Variants in CSMD1 observed in about 807,000 individuals in gnomAD.
The protein encoded by CSMD1 is CUB and sushi domain-containing protein 1.
In CSMD1, 213 loss-of-function variants were observed where a neutral mutation model predicts 417.5. That is an observed-to-expected ratio of 0.51 (90% CI 0.46 to 0.57). The LOEUF (loss-of-function observed/expected upper bound fraction) is 0.57. Among genes scored for constraint, CSMD1 ranks in the 20% least tolerant of loss-of-function variants. The pLI, the probability that CSMD1 is intolerant of heterozygous loss-of-function variation, is 0.00. For missense variants in CSMD1, 6,923 were observed against 4,529.7 expected, an observed-to-expected ratio of 1.53 and a Z score of -15.17; for synonymous variants, 2,862 against 1,736.8, an observed-to-expected ratio of 1.65 and a Z score of -16.11.
Position 4,395,727 on chromosome 8 carries a change from C to A in CSMD1, c.415+24226G>T, listed in dbSNP as rs7841746. Among the ~76,000 whole-genome samples, 9 of 152,034 alleles carry A rather than the reference C, an allele frequency of 5.9e-5. No homozygotes were observed. The East Asian group carries it at 1.7e-3, about 29-fold the overall frequency. On this transcript the variant is annotated intron_variant, in intron 3 of 69. Transcript: ENST00000635120. ...TGAAGAGTCTTTGTAAAATTAGCAG[C>A]TACAAATGTTTCTGCTGTGTAAGCA...
chr8:3,404,648 G>C (rs1430577941), intron 15 of CSMD1, among the ~76,000 whole-genome samples: 1 of 152,114 alleles, frequency 6.6e-6, no homozygotes, highest in Non-Finnish European at 1.5e-5. Context: ...AAAGACAACT[G>C]AGAAAATAAA....
In CSMD1 at chr8:4,201,540, CAAAAAAAAAAAAAAAAAAA is replaced by C. The variant is rs1157479482; in HGVS notation, c.416-169460_416-169442del. ...GTAAGAGATCCAGACTCTGTCTCCA[CAAAAAAAAAAAAAAAAAAA>C]AAAAAAAAAAAAAAAAATCAGAAAA... On this transcript the variant is annotated intron_variant, in intron 3 of 69. Transcript: ENST00000635120. 3.0e-3 allele frequency among the ~76,000 whole-genome samples: 178 copies of C among 59,056 alleles called. 3 individuals carry two copies. Among genetic ancestry groups the C allele is most frequent in the African/African-American group, 0.013 (174 of 13,818 alleles). 38.7% of individuals were successfully genotyped at this position (59,056 alleles called of 152,430 possible). A position where few individuals can be genotyped will look rare whatever the true frequency, so the allele number is the denominator to read the frequency against.
At chr8:4,171,000 T>C (rs925675882) in intron 3 of CSMD1, among the ~76,000 whole-genome samples, 1 of 151,918 alleles carries the variant, frequency 6.6e-6, no homozygotes, top group Admixed American at 6.5e-5. Context: ...GTTCACACCT[T>C]CAGCATGGGA....
intron 5 of CSMD1, among the ~76,000 whole-genome samples, chr8:3,897,794 C>T (rs937867705): frequency 1.3e-5 from 2 of 152,172 alleles, no homozygotes; most frequent in Admixed American, 6.5e-5. Context: ...CCCAGATGGG[C>T]TATTTGCTTC....
At chr8:4,198,804 G>T (rs936233937) in intron 3 of CSMD1, among the ~76,000 whole-genome samples, 1 of 152,062 alleles carries the variant, frequency 6.6e-6, no homozygotes, top group Non-Finnish European at 1.5e-5. Context: ...TAGATTAACA[G>T]AGGTCATGGC....
intron 3 of CSMD1, among the ~76,000 whole-genome samples, chr8:4,366,347 T>G (rs1192136291): frequency 6.6e-6 from 1 of 152,194 alleles, no homozygotes; most frequent in Non-Finnish European, 1.5e-5. Flanking sequence ...ACATCGTGGC[T>G]GATTCCACGT....
rs529811928 is a variant in CSMD1, at chr8:4,148,449, C to T, written c.416-116350G>A. On this transcript the variant is annotated intron_variant, in intron 3 of 69. Coordinates refer to ENST00000635120, the MANE Select transcript of CSMD1 (RefSeq NM_033225.6). ...TGAGTTAATTCCTGCAGCACACCAA[C>T]ATGGCACATGTATACATATGTAACG... is the stretch of plus-strand genomic sequence containing the variant. Among the ~76,000 whole-genome samples, 9 of 152,068 alleles carry T rather than the reference C, an allele frequency of 5.9e-5. No homozygotes were observed. The East Asian group carries it at 1.7e-3, about 29-fold the overall frequency.
At chr8:4,768,138 T>G (rs571350815) in intron 1 of CSMD1, among the ~76,000 whole-genome samples, 2 of 152,166 alleles carry the variant, frequency 1.3e-5, no homozygotes, top group South Asian at 4.2e-4. Context: ...AACAGATGTT[T>G]TGGAAAACAA....
At chr8:3,743,401 A>G (rs1042753169) in intron 6 of CSMD1, among the ~76,000 whole-genome samples, 1 of 152,240 alleles carries the variant, frequency 6.6e-6, no homozygotes, top group Non-Finnish European at 1.5e-5. Context: ...ATTGCGTGGA[A>G]TAGTGTGACA....
intron 3 of CSMD1, among the ~76,000 whole-genome samples, chr8:4,117,580 G>A (rs192356343): frequency 4.6e-5 from 7 of 152,272 alleles, no homozygotes; most frequent in Non-Finnish European, 8.8e-5. Context: ...AATAAATGAT[G>A]GCAATGATTA....
chr8:4,473,433 A>G (rs1800641029), intron 2 of CSMD1, among the ~76,000 whole-genome samples: 1 of 152,204 alleles, frequency 6.6e-6, no homozygotes. Flanking sequence ...TTACCTGAGT[A>G]TTATTTTGTT....
At chr8:4,736,323 T>C (rs1203679782) in intron 1 of CSMD1, among the ~76,000 whole-genome samples, 1 of 152,216 alleles carries the variant, frequency 6.6e-6, no homozygotes, top group Non-Finnish European at 1.5e-5. Context: ...TAGTTGATTA[T>C]TCTTGGAGAT....
intron 10 of CSMD1, among the ~76,000 whole-genome samples, chr8:3,523,532 C>T (rs887272983): frequency 5.9e-5 from 9 of 152,190 alleles, no homozygotes; most frequent in African/African-American, 1.9e-4. Flanking sequence ...TATGCACACA[C>T]ACACGCACAC....
At chr8:4,093,980 A>AGATAGATAGAT (rs1800860881) in intron 3 of CSMD1, among the ~76,000 whole-genome samples, 2 of 147,262 alleles carry the variant, frequency 1.4e-5, no homozygotes, top group South Asian at 4.3e-4. Context: ...ATAGATAGAT[A>AGATAGATAGAT]GATAGATAGA....
rs2720805 is a variant in CSMD1, at chr8:3,723,544, G to C, written c.932-15053C>G. 4.3e-3 allele frequency among the ~76,000 whole-genome samples: 659 copies of C among 152,276 alleles called. 13 individuals are homozygous for C. In the East Asian group the frequency reaches 0.069, roughly 16 times the overall value. On this transcript the variant is annotated intron_variant, in intron 6 of 69. Coordinates refer to ENST00000635120, the MANE Select transcript of CSMD1 (RefSeq NM_033225.6). ...AGTCATATTTACTTAAAAATGAACAGTCAGCTATTGTTACCTAAACAATTA... is the reference window on the plus strand; with the variant it reads ...AGTCATATTTACTTAAAAATGAACACTCAGCTATTGTTACCTAAACAATTA...
At chr8:4,770,405 A>G (rs1193269853) in intron 1 of CSMD1, among the ~76,000 whole-genome samples, 1 of 149,660 alleles carries the variant, frequency 6.7e-6, no homozygotes, top group Non-Finnish European at 1.5e-5. Flanking sequence ...TATATTATAT[A>G]TATTTCCTAA....
intron 2 of CSMD1, among the ~76,000 whole-genome samples, chr8:4,518,619 G>A (rs1455822837): frequency 2.2e-5 from 3 of 136,194 alleles, no homozygotes; most frequent in South Asian, 5.6e-4. Context: ...ACTGCTGTGG[G>A]GTGGGGGGCG....
intron 3 of CSMD1, among the ~76,000 whole-genome samples, chr8:4,366,370 G>A (rs116171583): frequency 6.6e-6 from 1 of 152,038 alleles, no homozygotes; most frequent in Non-Finnish European, 1.5e-5. Context: ...TTACCATTGA[G>A]AATAGCACTG....
At chr8:4,181,350 T>G (rs575806190) in intron 3 of CSMD1, among the ~76,000 whole-genome samples, 24 of 148,744 alleles carry the variant, frequency 1.6e-4, no homozygotes, top group African/African-American at 6.1e-4. Flanking sequence ...ATGGTACGGT[T>G]TCTCATTTAT....
Sources: gnomAD v4.1 joint callset for allele counts (sites outside exome capture counted in the v4.1 genomes callset) on GRCh38, gnomAD v4.1.1 for gene constraint, MANE v1.5 for transcripts, NCBI Gene and HGNC (gene_info 2026-07-23, HGNC 2026-07-21) for gene names.